The following CLCN6 variants were observed in gnomAD, a reference collection of about 807,000 sequenced individuals.
CLCN6 encodes Cl-/H+ antiporter 6, also known as H(+)/Cl(-) exchange transporter 6.
In CLCN6, 70 loss-of-function variants were observed where a neutral mutation model predicts 109.8. The ratio of observed to expected loss-of-function variants is 0.64; its 90% confidence interval spans 0.53 to 0.78. CLCN6 has a LOEUF of 0.78. Ranked by LOEUF, CLCN6 falls within the 30% of genes least tolerant of loss-of-function variation. The probability of loss-of-function intolerance (pLI) is 0.00; values close to 1 mark genes in which losing one functional copy is unlikely to be tolerated. For synonymous variants in CLCN6, 444 were observed against 447.8 expected (o/e 0.99, Z 0.11); for missense variants, 984 against 1,142.3 (o/e 0.86, Z 2.00).
At chr1:11,810,690 A>G (rs1191105264) in intron 2 of CLCN6, among the ~76,000 whole-genome samples, 2 of 152,236 alleles carry the variant, frequency 1.3e-5, no homozygotes, top group South Asian at 2.1e-4. Context: ...GCAAAGGAGA[A>G]GTAACAGTAT....
intron 4 of CLCN6, 59 bp downstream of exon 4, chr1:11,816,739 A>G (rs976935913): frequency 7.6e-7 from 1 of 1,320,428 alleles, no homozygotes; most frequent in Non-Finnish European, 1.1e-6. Flanking sequence ...CTTACAGGGA[A>G]AGCCCTGGCC....
chr1:11,821,854 T>A (rs1644747932), intron 5 of CLCN6, among the ~76,000 whole-genome samples: 1 of 151,938 alleles, frequency 6.6e-6, no homozygotes, highest in Admixed American at 6.6e-5. Context: ...TTAGACATCA[T>A]GTCATTTCTG....
At position 11,806,220 on chromosome 1, in the gene CLCN6, A is replaced by G; in HGVS notation, c.-43A>G. 1 of 1,388,732 alleles carries G rather than the reference A, an allele frequency of 7.2e-7. No homozygotes were observed. 86.0% of individuals were successfully genotyped at this position (1,388,732 alleles called of 1,614,324 possible). On this transcript the variant is annotated 5_prime_UTR_variant, in exon 1 of 23. Transcript: ENST00000346436. ...ACGTGAGGCGCAGATCCTGGCTGGG[A>G]GGGGGTTGGTAGAGGGGTCCAGAGT...
intron 22 of CLCN6, chr1:11,838,942 C>G (rs1376696351): frequency 1.4e-6 from 1 of 714,314 alleles, no homozygotes; most frequent in Admixed American, 2.0e-5. Context: ...TCACTCCGTA[C>G]CACTGGTGTT....
At chr1:11,806,904 AG>A in intron 1 of CLCN6, 1 of 550,574 alleles carries the variant, frequency 1.8e-6, no homozygotes, top group Non-Finnish European at 3.2e-6. Flanking sequence ...CCTGAAGAGG[AG>A]GGTGGTTATT....
At chr1:11,839,558 G>A (rs112176418) in intron 22 of CLCN6, among the ~76,000 whole-genome samples, 4,059 of 152,286 alleles carry the variant, frequency 0.027, 167 homozygotes, top group African/African-American at 0.092. Flanking sequence ...CACTGCACCC[G>A]GCCTCAGTCT....
intron 17 of CLCN6, among the ~76,000 whole-genome samples, chr1:11,835,417 G>A (rs1021657167): frequency 1.3e-5 from 2 of 152,250 alleles, no homozygotes; most frequent in Admixed American, 6.5e-5. Flanking sequence ...GATCACAGGC[G>A]CGTGCCACCA....
chr1:11,815,756 A>C, intron 2 of CLCN6, 90 bp from the exon 3 acceptor site: 2 of 953,108 alleles, frequency 2.1e-6, no homozygotes, highest in Non-Finnish European at 3.4e-6. Context: ...CTGCCCATCC[A>C]CACGTTGAGT....
intron 2 of CLCN6, among the ~76,000 whole-genome samples, chr1:11,812,311 A>C (rs1173885558): frequency 6.6e-6 from 1 of 152,258 alleles, no homozygotes; most frequent in Admixed American, 6.5e-5. Context: ...GAGAGATTCA[A>C]GGAACGTGGG....
chr1:11,840,042 C>G, intron 22 of CLCN6, 101 bp from the exon 23 acceptor site: 1 of 957,922 alleles, frequency 1.0e-6, no homozygotes, highest in Non-Finnish European at 1.7e-6. Flanking sequence ...CTATCCAGGC[C>G]TCCACATTCT....
chr1:11,819,604 A>G (rs763390031), intron 5 of CLCN6, 50 bp downstream of exon 5: 4 of 1,515,228 alleles, frequency 2.6e-6, no homozygotes, highest in Non-Finnish European at 3.7e-6. Flanking sequence ...GGTCACCAAG[A>G]TTCTTTCTTA....
chr1:11,831,474 G>T (rs1329218998), intron 13 of CLCN6, among the ~76,000 whole-genome samples: 1 of 152,036 alleles, frequency 6.6e-6, no homozygotes, highest in Non-Finnish European at 1.5e-5. Context: ...ATTTTTAAAG[G>T]GTTGAGAGAA....
chr1:11,818,353 T>G (rs1644700382), intron 4 of CLCN6, among the ~76,000 whole-genome samples: 1 of 152,210 alleles, frequency 6.6e-6, no homozygotes. Context: ...GAAATACTCA[T>G]TGGCGCATTC....
At chr1:11,821,821 T>C (rs189038179) in intron 5 of CLCN6, among the ~76,000 whole-genome samples, 55 of 152,368 alleles carry the variant, frequency 3.6e-4, no homozygotes, top group South Asian at 2.7e-3. Context: ...GGAAAAATTA[T>C]GGTACATTCA....
At chr1:11,822,904 C>G (rs879191358) in intron 6 of CLCN6, 103 bp downstream of exon 6, 6 of 772,688 alleles carry the variant, frequency 7.8e-6, no homozygotes, top group African/African-American at 6.9e-5. Flanking sequence ...AATGCAGATT[C>G]CTGCAGAAAG....
At chr1:11,835,831 G>T in intron 17 of CLCN6, 136 bp from the exon 18 acceptor site, 1 of 644,368 alleles carries the variant, frequency 1.6e-6, no homozygotes. Context: ...CATCGGGTTT[G>T]AGGGAGAGCT....
intron 2 of CLCN6, among the ~76,000 whole-genome samples, chr1:11,808,768 G>A (rs1363320291): frequency 6.6e-6 from 1 of 150,638 alleles, no homozygotes; most frequent in Non-Finnish European, 1.5e-5. Context: ...GGAGCCGTTT[G>A]TATAGTTTAA....
At chr1:11,828,061 C>A in intron 10 of CLCN6, 45 bp from the exon 11 acceptor site, 2 of 1,405,176 alleles carry the variant, frequency 1.4e-6, no homozygotes, top group Non-Finnish European at 2.0e-6. Flanking sequence ...GAGAGTAGGA[C>A]ATGCCACTCC....
intron 7 of CLCN6, 103 bp downstream of exon 7, chr1:11,823,936 C>A: frequency 6.8e-7 from 1 of 1,464,098 alleles, no homozygotes; most frequent in South Asian, 1.3e-5. Context: ...GGCCCAGCCT[C>A]AAACAGCTGA....
Sources: gnomAD v4.1 joint callset for allele counts (sites outside exome capture counted in the v4.1 genomes callset) on GRCh38, gnomAD v4.1.1 for gene constraint, MANE v1.5 for transcripts, NCBI Gene and HGNC (gene_info 2026-07-23, HGNC 2026-07-21) for gene names.